Variants in CNTNAP2 observed in about 807,000 individuals in gnomAD.
CNTNAP2 encodes contactin-associated protein-like 2.
CNTNAP2 carries 98 observed loss-of-function variants against 155.2 expected under a neutral mutation model. The ratio of observed to expected loss-of-function variants is 0.63; its 90% CI spans 0.54 to 0.75. CNTNAP2 has a LOEUF of 0.75. CNTNAP2 is among the 30% of genes least tolerant of loss of function. CNTNAP2 has a pLI of 0.00. For missense variants in CNTNAP2, 1,727 were observed against 1,688.1 expected (o/e 1.02, Z -0.40); for synonymous variants, 651 against 631.2 (o/e 1.03, Z -0.47).
chr7:146,587,907 C>T (rs1798719350), intron 1 of CNTNAP2, among the ~76,000 whole-genome samples: 1 of 152,002 alleles, frequency 6.6e-6, no homozygotes, highest in Non-Finnish European at 1.5e-5. Flanking sequence ...CTCCTGACCT[C>T]AGGTGATCTG....
chr7:147,520,822 A>G (rs1389337634), intron 11 of CNTNAP2, among the ~76,000 whole-genome samples: 2 of 152,094 alleles, frequency 1.3e-5, no homozygotes, highest in African/African-American at 2.4e-5. Flanking sequence ...TTTTCTTCCT[A>G]TTATAGTCTC....
intron 1 of CNTNAP2, among the ~76,000 whole-genome samples, chr7:146,648,146 G>C (rs1799846937): frequency 6.6e-6 from 1 of 152,112 alleles, no homozygotes; most frequent in South Asian, 2.1e-4. Context: ...TACTTCATGG[G>C]TACACAGACC....
chr7:148,214,530 A>T (rs1795604045), intron 18 of CNTNAP2, among the ~76,000 whole-genome samples: 1 of 152,144 alleles, frequency 6.6e-6, no homozygotes, highest in Non-Finnish European at 1.5e-5. Flanking sequence ...TCCAAGAAGG[A>T]TAGTTTTGGC....
chr7:146,465,423 T>C (rs555623969), intron 1 of CNTNAP2, among the ~76,000 whole-genome samples: 9 of 152,248 alleles, frequency 5.9e-5, no homozygotes, highest in East Asian at 3.9e-4. Flanking sequence ...TCTTCCTCCA[T>C]CTAAGTTCCA....
chr7:148,077,017 A>G (rs1020853027), intron 15 of CNTNAP2, among the ~76,000 whole-genome samples: 1 of 152,026 alleles, frequency 6.6e-6, no homozygotes, highest in African/African-American at 2.4e-5. Flanking sequence ...TAATACTACC[A>G]TATATACAGG....
In CNTNAP2 at chr7:147,078,217, C is replaced by T. The variant is rs548451973; in HGVS notation, c.551-29930C>T. Among the ~76,000 whole-genome samples, 175 of 152,258 alleles carry T rather than the reference C, an allele frequency of 1.1e-3. 1 individual carries two copies. The highest frequency in any genetic ancestry group is 4.0e-3 in the African/African-American group (167 of 41,544). ...GAATTACATGTATAATGAAAATAAC[C>T]CTGACAATGCCAACTTTATCTGCGA... On this transcript the variant is annotated intron_variant, in intron 4 of 23. Transcript: ENST00000361727.
intron 8 of CNTNAP2, among the ~76,000 whole-genome samples, chr7:147,248,491 G>A (rs982051464): frequency 6.6e-6 from 1 of 152,128 alleles, no homozygotes; most frequent in African/African-American, 2.4e-5. Flanking sequence ...AGGGTCAGTG[G>A]TATTTTCTCC....
intron 15 of CNTNAP2, among the ~76,000 whole-genome samples, chr7:148,071,489 A>C (rs1388216075): frequency 6.6e-6 from 1 of 152,136 alleles, no homozygotes; most frequent in Non-Finnish European, 1.5e-5. Context: ...ACACACACAC[A>C]CACATACACA....
intron 13 of CNTNAP2, among the ~76,000 whole-genome samples, chr7:147,731,170 G>T (rs918437263): frequency 6.6e-6 from 1 of 152,170 alleles, no homozygotes; most frequent in Non-Finnish European, 1.5e-5. Flanking sequence ...TAACGTAATT[G>T]ATGAAGGCAG....
At chr7:147,343,766 A>G (rs193107394) in intron 9 of CNTNAP2, among the ~76,000 whole-genome samples, 1 of 152,134 alleles carries the variant, frequency 6.6e-6, no homozygotes, top group East Asian at 1.9e-4. Context: ...ATTAATTTCC[A>G]TTCACCAGGT....
chr7:146,732,852 A>T (rs78894023), intron 1 of CNTNAP2, among the ~76,000 whole-genome samples: 2,363 of 152,226 alleles, frequency 0.016, 65 homozygotes, highest in African/African-American at 0.055. Flanking sequence ...TGCTGTATTG[A>T]TAGTTGCTAT....
At position 148,147,534 on chromosome 7, in the gene CNTNAP2, A is replaced by T. The variant is rs895791776; in HGVS notation, c.2598A>T (p.Pro866=). 6.2e-7 allele frequency: 1 copy of T among 1,614,008 alleles called. No individual in the cohort carries two copies. Among genetic ancestry groups the T allele is most frequent in the Admixed American group, 1.7e-5 (1 of 60,002 alleles). Reference sequence around the variant, plus strand: ...TTTCATTTGATGTGGGAAATGGGCCAGTAGAGATTGTAGTGAGGTCACCAA... The same window carrying T: ...TTTCATTTGATGTGGGAAATGGGCCTGTAGAGATTGTAGTGAGGTCACCAA... ...VSFSFDVGNG[P]VEIVVRSPTP... The change falls in exon 17 of 24, where the codon CCA becomes CCT. Residue 866 remains proline (P), a synonymous_variant. Transcript: ENST00000361727.
At chr7:147,506,063 G>A (rs1798900366) in intron 11 of CNTNAP2, among the ~76,000 whole-genome samples, 1 of 152,112 alleles carries the variant, frequency 6.6e-6, no homozygotes, top group Non-Finnish European at 1.5e-5. Flanking sequence ...CTAAGGAGAT[G>A]TCATGAGCCT....
intron 13 of CNTNAP2, among the ~76,000 whole-genome samples, chr7:147,654,131 A>T (rs947258164): frequency 1.3e-5 from 2 of 152,200 alleles, no homozygotes; most frequent in East Asian, 3.9e-4. Context: ...GCCGAGAAAA[A>T]GTGTGTACCT....
chr7:148,220,338 G>A (rs1408107719), intron 19 of CNTNAP2, among the ~76,000 whole-genome samples: 1 of 152,164 alleles, frequency 6.6e-6, no homozygotes, highest in Non-Finnish European at 1.5e-5. Context: ...TCCTGACCTC[G>A]TGATCCGCCC....
At chr7:146,444,211 A>G (rs909226858) in intron 1 of CNTNAP2, among the ~76,000 whole-genome samples, 5 of 151,912 alleles carry the variant, frequency 3.3e-5, no homozygotes, top group Non-Finnish European at 5.9e-5. Context: ...TTTTAGTATA[A>G]ACGGGGTTTC....
intron 1 of CNTNAP2, among the ~76,000 whole-genome samples, chr7:146,676,612 C>T (rs935447398): frequency 5.9e-5 from 9 of 151,974 alleles, no homozygotes; most frequent in African/African-American, 1.2e-4. Context: ...CTAATAAAGA[C>T]GTACCTGAGA....
intron 8 of CNTNAP2, among the ~76,000 whole-genome samples, chr7:147,217,450 A>G (rs752957620): frequency 2.2e-4 from 33 of 152,126 alleles, no homozygotes; most frequent in Non-Finnish European, 4.4e-4. Flanking sequence ...GTGATGGATT[A>G]CATTAATTGA....
chr7:148,242,973 G>A (rs1164185470), intron 20 of CNTNAP2, among the ~76,000 whole-genome samples: 3 of 152,176 alleles, frequency 2.0e-5, no homozygotes, highest in African/African-American at 7.2e-5. Flanking sequence ...AAGGAGAGGG[G>A]CAACAAACCC....
Sources: allele counts gnomAD v4.1 joint callset (sites outside exome capture counted in the v4.1 genomes callset), GRCh38; gene constraint gnomAD v4.1.1; transcripts MANE v1.5; gene names NCBI Gene and HGNC (gene_info 2026-07-23, HGNC 2026-07-21).